MYO7A: variants seen among roughly 807,000 people sequenced by gnomAD.
MYO7A encodes unconventional myosin-VIIa.
MYO7A carries 210 observed loss-of-function variants against 263.8 expected under a neutral mutation model. The observed-to-expected ratio is 0.80, with a 90% CI of 0.71 to 0.89. MYO7A has a LOEUF of 0.89. Ranked by LOEUF, MYO7A falls within the 40% of genes least tolerant of loss-of-function variation. The pLI is 0.00. For missense variants in MYO7A, 2,820 were observed against 2,968.3 expected (o/e 0.95, Z 1.16); for synonymous variants, 1,239 against 1,197.3 (o/e 1.03, Z -0.72).
Position 77,214,795 on chromosome 11 carries a change from C to G in MYO7A, c.*99C>G. ...GCAGCTGGGGAAGACTTATGCCATC[C>G]CGGCAGCGAGGCTGGGCTGGCCAGC... On this transcript the variant is annotated 3_prime_UTR_variant, in exon 49 of 49. Transcript: ENST00000409709. The G allele has an allele frequency of 9.6e-7, 1 of 1,043,066 alleles. No individual in the cohort carries two copies. Among genetic ancestry groups the G allele is most frequent in the South Asian group, 1.6e-5 (1 of 64,360 alleles). The allele number at this position is 1,043,066 out of a possible 1,614,324, so 64.6% of individuals were successfully genotyped here.
chr11:77,196,874 T>C (rs536099742), intron 32 of MYO7A, among the ~76,000 whole-genome samples: 2 of 152,284 alleles, frequency 1.3e-5, no homozygotes, highest in East Asian at 3.9e-4. Context: ...CACTAGGGCT[T>C]GGGGGAATAT....
At chr11:77,169,196 T>C (rs1203804888) in intron 15 of MYO7A, among the ~76,000 whole-genome samples, 1 of 152,216 alleles carries the variant, frequency 6.6e-6, no homozygotes, top group Non-Finnish European at 1.5e-5. Context: ...TTGCAGTGAG[T>C]GATCTGCACT....
chr11:77,214,313 C>T lies in MYO7A; in HGVS notation c.6559-294C>T, dbSNP rs75361385. ...ACCTCCTTGACCAAGCTCAAACTTC[C>T]AAGGCATAGCTCAACTGAGAGCCAG... On this transcript the variant is annotated intron_variant, in intron 48 of 48. Coordinates refer to ENST00000409709, the MANE Select transcript of MYO7A (RefSeq NM_000260.4). Among the ~76,000 whole-genome samples the T allele has an allele frequency of 5.6e-4, 86 of 152,314 alleles. 3 individuals are homozygous for T. The East Asian group carries it at 0.013, about 23-fold the overall frequency.
At chr11:77,157,067 G>T in intron 7 of MYO7A, 63 bp downstream of exon 7, 1 of 1,572,432 alleles carries the variant, frequency 6.4e-7, no homozygotes. Context: ...GGTCTGCGTG[G>T]CCCACCTGCC....
intron 4 of MYO7A, among the ~76,000 whole-genome samples, chr11:77,153,729 C>T (rs1373573840): frequency 6.6e-6 from 1 of 152,178 alleles, no homozygotes; most frequent in East Asian, 1.9e-4. Context: ...CACCAGCAGA[C>T]CTCCTAAATG....
chr11:77,142,804 G>T lies in MYO7A; in HGVS notation c.114G>T (p.Val38=). The change falls in exon 3 of 49, where the codon GTG becomes GTT. Residue 38 remains valine (V), a synonymous_variant. Coordinates refer to ENST00000409709, the MANE Select transcript of MYO7A (RefSeq NM_000260.4). ...VKLCDSGQVQ[V]VDDEDNEHWI... is the part of the protein sequence containing the mutation. ...TCTGCGACTCTGGGCAGGTCCAGGT[G>T]GTGGATGATGAAGACAATGTGAGTA... 1 of 1,608,296 alleles carries T rather than the reference G, an allele frequency of 6.2e-7. No homozygotes were observed. The highest frequency in any genetic ancestry group is 2.2e-5 in the East Asian group (1 of 44,692).
chr11:77,173,518 T>G lies in MYO7A; in HGVS notation c.1935+633T>G, dbSNP rs114205413. ...AGAAAGGGACTGTGCTGGTCCCAGG[T>G]TAGAGATGCGGGACTGGGGGCTCAG... On this transcript the variant is annotated intron_variant, in intron 16 of 48. Transcript: ENST00000409709. 2.6e-5 allele frequency among the ~76,000 whole-genome samples: 4 copies of G among 152,238 alleles called. No individual in the cohort carries two copies. The South Asian group carries it at 8.3e-4, about 32-fold the overall frequency.
Position 77,190,775 on chromosome 11 carries a change from G to A in MYO7A, c.3829G>A (p.Ala1277Thr), listed in dbSNP as rs1956002675. 8 of 1,597,298 alleles carry A rather than the reference G, an allele frequency of 5.0e-6. No individual in the cohort carries two copies. The Admixed American group carries it at 5.2e-5, about 10-fold the overall frequency. The stretch of plus-strand genomic sequence containing the variant: ...CACCAAGACCCTGCTGACGGACTCG[G>A]CAACCACGGCCAAGGAGCTCTGCAA... ...GTTKTLLTDS[A>T]TTAKELCNAL... The change falls in exon 30 of 49, where the codon GCA becomes ACA. Residue 1277 changes from alanine to threonine, a missense_variant. Physicochemically the swap from Ala to Thr is moderately conservative, Grantham distance 58 (BLOSUM62 0). Coordinates refer to ENST00000409709, the MANE Select transcript of MYO7A (RefSeq NM_000260.4).
chr11:77,201,796 C>T (rs1164952442), intron 36 of MYO7A, among the ~76,000 whole-genome samples, 158 bp downstream of exon 36: 2 of 150,232 alleles, frequency 1.3e-5, no homozygotes, highest in Non-Finnish European at 1.5e-5. Context: ...AGTGCTCAAA[C>T]CTGTGCCAGG....
chr11:77,213,089 A>G, intron 47 of MYO7A, 54 bp downstream of exon 47: 1 of 1,393,402 alleles, frequency 7.2e-7, no homozygotes, highest in Non-Finnish European at 1.0e-6. Context: ...TGAACCACAG[A>G]CACGGTCCCA....
intron 39 of MYO7A, among the ~76,000 whole-genome samples, chr11:77,204,916 T>G (rs1449110982): frequency 6.6e-6 from 1 of 152,208 alleles, no homozygotes. Context: ...TGCCGTAATT[T>G]GCTTCATCCT....
rs1958040782 is a variant in MYO7A, at chr11:77,214,551, G to A, written c.6559-56G>A. The A allele has an allele frequency of 8.5e-6, 11 of 1,301,130 alleles. No homozygotes were observed. In the South Asian group the frequency reaches 1.4e-4, roughly 16 times the overall value. 80.6% of individuals were successfully genotyped at this position (1,301,130 alleles called of 1,614,324 possible). ...ATTCCTGGGAGCTGTGCTATGGTCT[G>A]AGTGGCTGGCCCTGTCCCACCGTGT... is the stretch of plus-strand genomic sequence containing the variant. On this transcript the variant is annotated intron_variant, in intron 48 of 48. Coordinates refer to ENST00000409709, the MANE Select transcript of MYO7A (RefSeq NM_000260.4).
chr11:77,132,819 A>T (rs1246182059), intron 2 of MYO7A, among the ~76,000 whole-genome samples: 3 of 152,166 alleles, frequency 2.0e-5, no homozygotes, highest in African/African-American at 7.2e-5. Context: ...TTTGCATATG[A>T]TGAAACAGGC....
At chr11:77,161,847 C>T (rs563712762) in intron 12 of MYO7A, among the ~76,000 whole-genome samples, 14 of 152,206 alleles carry the variant, frequency 9.2e-5, no homozygotes, top group Non-Finnish European at 1.5e-4. Flanking sequence ...CTCCCCAGGG[C>T]TTGATCATGC....
intron 9 of MYO7A, 26 bp downstream of exon 9, chr11:77,158,456 C>G: frequency 6.2e-7 from 1 of 1,605,102 alleles, no homozygotes; most frequent in East Asian, 2.2e-5. Flanking sequence ...ACTCGCCCTG[C>G]CCCACCCCTG....
Position 77,208,820 on chromosome 11 carries a change from T to A in MYO7A, c.6051+17T>A, listed in dbSNP as rs1320702. On this transcript the variant is annotated intron_variant, in intron 44 of 48. Transcript: ENST00000409709. ...TATTACCAGGTGGGCACCTCTGCAC[T>A]CTAGTTGCCTTCGTGCACAGCTAGC... 0.56 allele frequency: 852,907 copies of A among 1,517,806 alleles called. 242,007 individuals are homozygous for A. Among genetic ancestry groups the A allele is most frequent in the Admixed American group, 0.65 (33,377 of 51,226 alleles). 94.0% of individuals were successfully genotyped at this position (1,517,806 alleles called of 1,614,324 possible). A position where few individuals can be genotyped will look rare whatever the true frequency, so the allele number is the denominator to read the frequency against.
chr11:77,182,677 T>A lies in MYO7A; in HGVS notation c.3285+77T>A, dbSNP rs1342865344. On this transcript the variant is annotated intron_variant, in intron 25 of 48. Transcript: ENST00000409709. ...GCCGCTGGCATCACCAGCCTTGGGC[T>A]CCTCTGCAGAAAAAGGATCCTATAA... is the stretch of plus-strand genomic sequence containing the variant. 3 of 1,471,626 alleles carry A rather than the reference T, an allele frequency of 2.0e-6. No homozygotes were observed. In the African/African-American group the frequency reaches 5.2e-5, roughly 25 times the overall value. 91.2% of individuals were successfully genotyped at this position (1,471,626 alleles called of 1,614,324 possible). A position where few individuals can be genotyped will look rare whatever the true frequency, so the allele number is the denominator to read the frequency against.
At position 77,211,834 on chromosome 11, in the gene MYO7A, ACTTCAAC is replaced by A; in HGVS notation, c.6252_6258del (p.Tyr2084Ter). ...CTGTCCCCATAGTCCATCGTCGCCT[ACTTCAAC>A]AAGCACGCAGGGAAGTCCAAGGAGG... On this transcript the variant is annotated frameshift_variant, in exon 46 of 49. Coordinates refer to ENST00000409709, the MANE Select transcript of MYO7A (RefSeq NM_000260.4). LOFTEE classifies it high-confidence loss of function. The A allele has an allele frequency of 6.2e-7, 1 of 1,613,796 alleles. No individual in the cohort carries two copies.
At position 77,203,068 on chromosome 11, in the gene MYO7A, C is replaced by G. The variant is rs1478464275; in HGVS notation, c.5177C>G (p.Pro1726Arg). The G allele has an allele frequency of 6.5e-7, 1 of 1,547,890 alleles. No homozygotes were observed. The highest frequency in any genetic ancestry group is 2.4e-5 in the East Asian group (1 of 40,920). Residue 1726 changes from proline to arginine, a missense_variant, in exon 38 of 49, where the codon CCC becomes CGC. Pro to Arg is a moderately radical substitution (Grantham distance 103, BLOSUM62 -2). Coordinates refer to ENST00000409709, the MANE Select transcript of MYO7A (RefSeq NM_000260.4). ...EFSYDYFRPPPKHTLSRVMVS... is the reference protein window; with the variant it reads ...EFSYDYFRPPRKHTLSRVMVS... The stretch of plus-strand genomic sequence containing the variant: ...TCCCTGTGCTGCGGCAGGCCCCCAC[C>G]CAAGCACACGCTGAGCCGTGTCATG...
Sources: gnomAD v4.1 joint callset for allele counts (sites outside exome capture counted in the v4.1 genomes callset) on GRCh38, gnomAD v4.1.1 for gene constraint, MANE v1.5 for transcripts, NCBI Gene and HGNC (gene_info 2026-07-23, HGNC 2026-07-21) for gene names.